The following RNF217 variants were observed in gnomAD, a reference collection of about 807,000 sequenced individuals.
RNF217 encodes the protein ring finger protein 217.
Under a neutral mutation model 57.8 loss-of-function variants are expected in RNF217, and 31 were observed. That is an observed-to-expected ratio of 0.54 (90% CI 0.40 to 0.72). The LOEUF (loss-of-function observed/expected upper bound fraction) is 0.72. Among genes scored for constraint, RNF217 ranks in the 30% least tolerant of loss-of-function variants. RNF217 has a pLI of 0.00. For synonymous variants in RNF217, 313 were observed against 294.0 expected, an observed-to-expected ratio of 1.06 and a Z score of -0.66; for missense variants, 696 against 708.3, an observed-to-expected ratio of 0.98 and a Z score of 0.20.
chr6:124,985,589 T>C (rs1223842026), intron 1 of RNF217, among the ~76,000 whole-genome samples: 1 of 152,144 alleles, frequency 6.6e-6, no homozygotes, highest in African/African-American at 2.4e-5. Flanking sequence ...GATATATGTA[T>C]TGAAAATACA....
intron 3 of RNF217, among the ~76,000 whole-genome samples, chr6:125,060,999 T>C (rs1355071462): frequency 6.6e-6 from 1 of 152,204 alleles, no homozygotes; most frequent in Non-Finnish European, 1.5e-5. Flanking sequence ...CTGAGTAGTT[T>C]TCAAAACATT....
intron 1 of RNF217, among the ~76,000 whole-genome samples, chr6:125,016,036 T>C (rs144815523): frequency 9.1e-4 from 139 of 152,152 alleles, no homozygotes; most frequent in African/African-American, 3.3e-3. Context: ...CATAAAAATA[T>C]AAGGAAGCCC....
In RNF217 at chr6:125,083,453, A is replaced by G. The variant is rs1402323232; in HGVS notation, c.*516A>G. 2 of 152,180 alleles carry G rather than the reference A, an allele frequency of 1.3e-5. No individual in the cohort carries two copies. Among genetic ancestry groups the G allele is most frequent in the Non-Finnish European group, 2.9e-5 (2 of 68,046 alleles). 9.4% of individuals were successfully genotyped at this position (152,180 alleles called of 1,614,324 possible). ...ATAATTCTTTTATCTTTCAAATGTTATAATTGCAAAAAATCTCAATGTCCA... is the reference window on the plus strand; with the variant it reads ...ATAATTCTTTTATCTTTCAAATGTTGTAATTGCAAAAAATCTCAATGTCCA... On this transcript the variant is annotated 3_prime_UTR_variant, in exon 6 of 6. Transcript: ENST00000521654.
rs1273711875 is a variant in RNF217, at chr6:124,962,503, C to G, written c.-42C>G. Reference sequence around the variant, plus strand: ...GCCCGCGGGCGCCGGGTGGGGGTCCCGGCGGCTGGATGGGCAGCGGCGGCG... The same window carrying G: ...GCCCGCGGGCGCCGGGTGGGGGTCCGGGCGGCTGGATGGGCAGCGGCGGCG... On this transcript the variant is annotated 5_prime_UTR_variant, in exon 1 of 6. Coordinates refer to ENST00000521654, the MANE Select transcript of RNF217 (RefSeq NM_001286398.3). This position sits in a 1 kb window ranked among gnomAD's most constrained non-coding sequence, Gnocchi z 4.6. The G allele has an allele frequency of 7.6e-6, 8 of 1,057,330 alleles. No homozygotes were observed. Among genetic ancestry groups the G allele is most frequent in the East Asian group, 4.7e-5 (1 of 21,312 alleles). 65.5% of individuals were successfully genotyped at this position (1,057,330 alleles called of 1,614,324 possible). A position where few individuals can be genotyped will look rare whatever the true frequency, so the allele number is the denominator to read the frequency against.
intron 3 of RNF217, among the ~76,000 whole-genome samples, chr6:125,074,716 A>G (rs1464658088): frequency 6.6e-6 from 1 of 151,970 alleles, no homozygotes; most frequent in Non-Finnish European, 1.5e-5. Flanking sequence ...TTTTTAATGC[A>G]GTTATAACTA....
chr6:125,082,756 T>G, intron 5 of RNF217, 108 bp from the exon 6 acceptor site: 1 of 1,144,684 alleles, frequency 8.7e-7, no homozygotes, highest in Non-Finnish European at 1.3e-6. Context: ...ATAGATGTCT[T>G]CTTCTTTGTA....
intron 1 of RNF217, chr6:125,009,452 T>C (rs1785334476): frequency 2.0e-6 from 1 of 488,198 alleles, no homozygotes; most frequent in Non-Finnish European, 3.7e-6. Flanking sequence ...CATCTCTTTC[T>C]AGAAAGAATG....
At chr6:125,026,861 A>G (rs549501632) in intron 1 of RNF217, among the ~76,000 whole-genome samples, 2 of 152,284 alleles carry the variant, frequency 1.3e-5, no homozygotes, top group African/African-American at 2.4e-5. Context: ...ACTGTGATAT[A>G]CTAGTTATAG....
At chr6:125,006,674 T>C (rs1785191692) in intron 1 of RNF217, among the ~76,000 whole-genome samples, 1 of 152,120 alleles carries the variant, frequency 6.6e-6, no homozygotes, top group African/African-American at 2.4e-5. Context: ...ATGGGCTGGG[T>C]GTGGTGGCTC....
At chr6:125,071,006 G>C (rs1157639465) in intron 3 of RNF217, among the ~76,000 whole-genome samples, 4 of 152,074 alleles carry the variant, frequency 2.6e-5, no homozygotes, top group Admixed American at 1.3e-4. Context: ...TTCATTTACT[G>C]TTATTCTTCT....
At position 124,962,506 on chromosome 6, in the gene RNF217, C is replaced by A. The variant is rs1783317318; in HGVS notation, c.-39C>A. ...CGCGGGCGCCGGGTGGGGGTCCCGG[C>A]GGCTGGATGGGCAGCGGCGGCGCGG... is the stretch of plus-strand genomic sequence containing the variant. On this transcript the variant is annotated 5_prime_UTR_variant, in exon 1 of 6. Coordinates refer to ENST00000521654, the MANE Select transcript of RNF217 (RefSeq NM_001286398.3). This position sits in a 1 kb window ranked among gnomAD's most constrained non-coding sequence, Gnocchi z 4.6. The A allele has an allele frequency of 6.6e-6, 7 of 1,063,566 alleles. No homozygotes were observed. Among genetic ancestry groups the A allele is most frequent in the Admixed American group, 9.7e-5 (2 of 20,610 alleles). 65.9% of individuals were successfully genotyped at this position (1,063,566 alleles called of 1,614,324 possible).
intron 1 of RNF217, among the ~76,000 whole-genome samples, chr6:124,973,605 C>T (rs562606199): frequency 9.2e-5 from 14 of 152,242 alleles, no homozygotes; most frequent in Middle Eastern, 3.4e-3. Context: ...CTATTTGAAT[C>T]GGAACTTTTG....
intron 1 of RNF217, among the ~76,000 whole-genome samples, chr6:125,017,255 A>G (rs943784214): frequency 9.2e-5 from 14 of 152,188 alleles, no homozygotes; most frequent in Admixed American, 3.9e-4. Flanking sequence ...ATGAGTTACT[A>G]TATTTTTCTT....
At chr6:125,051,593 T>G (rs910345289) in intron 2 of RNF217, among the ~76,000 whole-genome samples, 3 of 152,062 alleles carry the variant, frequency 2.0e-5, no homozygotes, top group Admixed American at 2.0e-4. Context: ...AAGGAACTTG[T>G]TAATAGAATC....
intron 2 of RNF217, chr6:125,048,124 C>T: frequency 9.1e-7 from 1 of 1,099,898 alleles, no homozygotes; most frequent in Non-Finnish European, 1.2e-6. Flanking sequence ...ACCTGGTTTA[C>T]ATGCCCATAC....
chr6:125,058,242 A>C, intron 3 of RNF217, 136 bp downstream of exon 3: 1 of 722,972 alleles, frequency 1.4e-6, no homozygotes, highest in Non-Finnish European at 2.0e-6. Flanking sequence ...TTATTTTGGA[A>C]AAGTAATTAT....
Position 124,962,721 on chromosome 6 carries a change from G to A in RNF217, c.177G>A (p.Trp59Ter). 1 of 1,538,554 alleles carries A rather than the reference G, an allele frequency of 6.5e-7. No homozygotes were observed. Among genetic ancestry groups the A allele is most frequent in the Non-Finnish European group, 8.7e-7 (1 of 1,153,504 alleles). ...GCGGCGGTGGCTGCGGAAGCGACTG[G>A]GGCTGCGCGGACACCAGCGCCCCAG... ...EPSGGGCGSDWGCADTSAPEP... is the reference protein window; with the variant it reads ...EPSGGGCGSD The change falls in exon 1 of 6, where the codon TGG becomes TGA. Residue 59 changes from tryptophan to a stop codon, truncating the protein, a stop_gained. Coordinates refer to ENST00000521654, the MANE Select transcript of RNF217 (RefSeq NM_001286398.3). LOFTEE classifies it high-confidence loss of function. The surrounding 1 kb of genome is among the most constrained non-coding windows in gnomAD (Gnocchi z 4.6).
intron 1 of RNF217, among the ~76,000 whole-genome samples, chr6:125,029,319 T>G (rs751334453): frequency 2.0e-5 from 3 of 152,220 alleles, no homozygotes; most frequent in Non-Finnish European, 4.4e-5. Context: ...ATTCTTTTAT[T>G]TTTTCATATT....
intron 1 of RNF217, among the ~76,000 whole-genome samples, chr6:125,002,754 A>C (rs2114294619): frequency 6.6e-6 from 1 of 152,224 alleles, no homozygotes; most frequent in South Asian, 2.1e-4. Context: ...TTATATGGAA[A>C]CTTTTCCCCA....
Sources: allele counts gnomAD v4.1 joint callset (sites outside exome capture counted in the v4.1 genomes callset), GRCh38; gene constraint gnomAD v4.1.1; non-coding constraint Gnocchi (gnomAD v3.1); transcripts MANE v1.5; gene names NCBI Gene and HGNC (gene_info 2026-07-23, HGNC 2026-07-21).